Variants in FNDC3B observed in about 807,000 individuals in gnomAD.
The protein encoded by FNDC3B is fibronectin type III domain containing 3B.
In FNDC3B, 12 loss-of-function variants were observed where a neutral mutation model predicts 151.5. The ratio of observed to expected loss-of-function variants is 0.08; its 90% confidence interval spans 0.05 to 0.13. The LOEUF (loss-of-function observed/expected upper bound fraction) is 0.13. FNDC3B is among the 10% of genes least tolerant of loss of function. FNDC3B has a pLI of 1.00. For missense variants in FNDC3B, 1,214 were observed against 1,505.3 expected, an observed-to-expected ratio of 0.81 and a Z score of 3.20; for synonymous variants, 528 against 549.0, an observed-to-expected ratio of 0.96 and a Z score of 0.54.
intron 3 of FNDC3B, chr3:172,186,794 TG>T: frequency 1.4e-6 from 1 of 699,560 alleles, no homozygotes; most frequent in Admixed American, 2.0e-5. Context: ...TCATGTTTCA[TG>T]ATCTGTGTCA....
At chr3:172,206,264 A>G (rs1725414426) in intron 3 of FNDC3B, among the ~76,000 whole-genome samples, 3 of 152,214 alleles carry the variant, frequency 2.0e-5, no homozygotes, top group Admixed American at 2.0e-4. Flanking sequence ...CTGAGTGGAA[A>G]GGGGGTCATA....
rs370022944 is a variant in FNDC3B, at chr3:172,136,190, G to A, written c.187+2644G>A. 7.9e-5 allele frequency among the ~76,000 whole-genome samples: 12 copies of A among 152,268 alleles called. No individual in the cohort carries two copies. In the South Asian group the frequency reaches 1.7e-3, roughly 21 times the overall value. On this transcript the variant is annotated intron_variant, in intron 3 of 25. Transcript: ENST00000415807. ...TTGACAACAGCAAGGTTAAGTTCCT[G>A]TTCCTGGAGTAACAGGATTCTGAGC...
chr3:172,131,153 T>C (rs1721073839), intron 2 of FNDC3B, among the ~76,000 whole-genome samples: 1 of 152,090 alleles, frequency 6.6e-6, no homozygotes, highest in Admixed American at 6.5e-5. Flanking sequence ...TCCCAGCACT[T>C]TGGGAGGCCG....
intron 7 of FNDC3B, among the ~76,000 whole-genome samples, chr3:172,287,074 C>G (rs983692347): frequency 8.5e-5 from 13 of 152,102 alleles, no homozygotes; most frequent in African/African-American, 3.1e-4. Context: ...GGTTTGGATG[C>G]CTCCTCTCAG....
chr3:172,160,767 T>C (rs1401811560), intron 3 of FNDC3B, among the ~76,000 whole-genome samples: 1 of 152,268 alleles, frequency 6.6e-6, no homozygotes, highest in Non-Finnish European at 1.5e-5. Context: ...AAAATAAAGA[T>C]GCTGCATAAT....
intron 3 of FNDC3B, among the ~76,000 whole-genome samples, chr3:172,153,607 T>C (rs1722340063): frequency 6.6e-6 from 1 of 152,202 alleles, no homozygotes; most frequent in African/African-American, 2.4e-5. Context: ...ACTATTCAGG[T>C]TTCCTGGTAG....
At chr3:172,140,609 C>T (rs1006811473) in intron 3 of FNDC3B, among the ~76,000 whole-genome samples, 1 of 152,130 alleles carries the variant, frequency 6.6e-6, no homozygotes, top group Non-Finnish European at 1.5e-5. Context: ...TCCACCAGGG[C>T]CGGAAAATAC....
At chr3:172,193,629 T>C (rs1361298856) in intron 3 of FNDC3B, among the ~76,000 whole-genome samples, 1 of 151,486 alleles carries the variant, frequency 6.6e-6, no homozygotes, top group African/African-American at 2.4e-5. Flanking sequence ...TGCTGGACTT[T>C]GTCTAGGATT....
At position 172,371,340 on chromosome 3, in the gene FNDC3B, T is replaced by C. The variant is rs866513782; in HGVS notation, c.3009-6930T>C. 3.3e-5 allele frequency among the ~76,000 whole-genome samples: 5 copies of C among 152,224 alleles called. 1 individual carries two copies. Among genetic ancestry groups the C allele is most frequent in the African/African-American group, 1.2e-4 (5 of 41,450 alleles). ...TCAGTATAGATGCAAGCATCCTTTT[T>C]TTCCCCCATTATTTTCTATCTGCAG... On this transcript the variant is annotated intron_variant, in intron 23 of 25. Coordinates refer to ENST00000415807, the MANE Select transcript of FNDC3B (RefSeq NM_022763.4).
At chr3:172,240,274 G>T (rs942590540) in intron 4 of FNDC3B, among the ~76,000 whole-genome samples, 2 of 152,092 alleles carry the variant, frequency 1.3e-5, no homozygotes, top group African/African-American at 4.8e-5. Context: ...TTCTAAAATG[G>T]GGATAACTGT....
chr3:172,248,738 T>C (rs1366288260), intron 5 of FNDC3B, among the ~76,000 whole-genome samples: 1 of 148,452 alleles, frequency 6.7e-6, no homozygotes, highest in Non-Finnish European at 1.5e-5. Flanking sequence ...ATTATATTTT[T>C]ATATATATAA....
In FNDC3B at chr3:172,381,024, A is replaced by G. The variant is rs368498048; in HGVS notation, c.3234A>G (p.Pro1078=). ...NSCEILWETV[P]SMKGDPVNYI... is the part of the protein sequence containing the mutation. ...GTGAAATTTTATGGGAGACGGTACC[A>G]TCAATGAAAGGTGACCCTGTTAACT... Residue 1078 remains proline, a synonymous_variant, in exon 25 of 26, where the codon CCA becomes CCG. Coordinates refer to ENST00000415807, the MANE Select transcript of FNDC3B (RefSeq NM_022763.4). The G allele has an allele frequency of 4.3e-6, 7 of 1,613,778 alleles. No individual in the cohort carries two copies. The African/African-American group carries it at 9.3e-5, about 22-fold the overall frequency.
At chr3:172,092,736 T>C (rs1325006633) in intron 1 of FNDC3B, among the ~76,000 whole-genome samples, 1 of 152,204 alleles carries the variant, frequency 6.6e-6, no homozygotes, top group African/African-American at 2.4e-5. Context: ...TCAGCAGCGG[T>C]CTCTTGCTCC....
At chr3:172,166,744 C>T (rs1019040488) in intron 3 of FNDC3B, among the ~76,000 whole-genome samples, 15 of 141,948 alleles carry the variant, frequency 1.1e-4, no homozygotes, top group African/African-American at 2.9e-4. Context: ...ACAGCCTGGG[C>T]AACATAGGGA....
In FNDC3B at chr3:172,397,292, C is replaced by T. The variant is rs180793348; in HGVS notation, c.3432C>T (p.Pro1144=). 6 of 1,614,212 alleles carry T rather than the reference C, an allele frequency of 3.7e-6. No individual in the cohort carries two copies. The African/African-American group carries it at 4.0e-5, about 11-fold the overall frequency. ...TSQELSGAFS[P]SAAFVLQRSE... ...AGGAGCTAAGCGGAGCCTTCAGCCC[C>T]TCTGCGGCTTTTGTATTACAACGAA... is the stretch of plus-strand genomic sequence containing the variant. Residue 1144 remains proline, a synonymous_variant, in exon 26 of 26, where the codon CCC becomes CCT. Transcript: ENST00000415807.
chr3:172,149,861 C>T (rs1386584650), intron 3 of FNDC3B, among the ~76,000 whole-genome samples: 7 of 120,952 alleles, frequency 5.8e-5, no homozygotes, highest in Non-Finnish European at 7.9e-5. Flanking sequence ...CTCTGTCACC[C>T]AGGCTGGAGT....
chr3:172,182,042 C>T (rs998245213), intron 3 of FNDC3B, among the ~76,000 whole-genome samples: 1 of 152,094 alleles, frequency 6.6e-6, no homozygotes, highest in Non-Finnish European at 1.5e-5. Context: ...GAGTAATAGG[C>T]TTTTAGTATG....
intron 11 of FNDC3B, among the ~76,000 whole-genome samples, chr3:172,324,014 A>G (rs191020795): frequency 1.3e-5 from 2 of 152,280 alleles, no homozygotes; most frequent in East Asian, 3.9e-4. Flanking sequence ...CCAGGTTCAG[A>G]TAAATGAGGT....
chr3:172,124,505 A>G (rs1385825451), intron 2 of FNDC3B, among the ~76,000 whole-genome samples: 2 of 152,336 alleles, frequency 1.3e-5, no homozygotes, highest in Non-Finnish European at 1.5e-5. Flanking sequence ...AATTACTCTT[A>G]AACCTAGAGG....
Sources: gnomAD v4.1 joint callset for allele counts (sites outside exome capture counted in the v4.1 genomes callset) on GRCh38, gnomAD v4.1.1 for gene constraint, MANE v1.5 for transcripts, NCBI Gene and HGNC (gene_info 2026-07-23, HGNC 2026-07-21) for gene names.